FGF1: variants seen among roughly 807,000 people sequenced by gnomAD.
FGF1 encodes the protein fibroblast growth factor 1, also known as beta-endothelial cell growth factor.
In FGF1, 9 loss-of-function variants were observed where a neutral mutation model predicts 13.4. That is an observed-to-expected ratio of 0.67 (90% CI 0.40 to 1.17). The LOEUF is 1.17. FGF1 is among the 50% of genes most tolerant of loss of function. FGF1 has a pLI of 0.01. For synonymous variants in FGF1, 93 were observed against 79.0 expected (o/e 1.18, Z -0.94); for missense variants, 156 against 192.7 (o/e 0.81, Z 1.13).
chr5:142,646,114 T>C (rs552791746), intron 1 of FGF1, among the ~76,000 whole-genome samples: 23 of 151,716 alleles, frequency 1.5e-4, no homozygotes, highest in Non-Finnish European at 2.8e-4. Flanking sequence ...TTTCAGTGTG[T>C]TAGCCAGGAT....
chr5:142,613,331 A>C (rs1180304130), intron 2 of FGF1, among the ~76,000 whole-genome samples: 1 of 152,362 alleles, frequency 6.6e-6, no homozygotes, highest in South Asian at 2.1e-4. Flanking sequence ...GCTGCCAGGA[A>C]GTCCTGGAAG....
chr5:142,638,757 A>T (rs929565348), intron 1 of FGF1, among the ~76,000 whole-genome samples: 4 of 152,094 alleles, frequency 2.6e-5, no homozygotes, highest in African/African-American at 9.7e-5. Context: ...GCAATGGGAG[A>T]AAATATTTGC....
intron 1 of FGF1, among the ~76,000 whole-genome samples, chr5:142,618,969 C>T (rs1419565732): frequency 4.9e-5 from 6 of 123,596 alleles, no homozygotes; most frequent in Non-Finnish European, 6.4e-5. Flanking sequence ...GAGTCCCGCT[C>T]TTTAGCCCAG....
rs1754429733 is a variant in FGF1, at chr5:142,592,404, G to C, written c.*2886C>G. The C allele has an allele frequency of 2.5e-6, 1 of 398,500 alleles. No individual in the cohort carries two copies. Among genetic ancestry groups the C allele is most frequent in the Admixed American group, 4.4e-5 (1 of 22,716 alleles). 24.7% of individuals were successfully genotyped at this position (398,500 alleles called of 1,614,324 possible). A position where few individuals can be genotyped will look rare whatever the true frequency, so the allele number is the denominator to read the frequency against. On this transcript the variant is annotated 3_prime_UTR_variant, in exon 4 of 4. Transcript: ENST00000337706. ...TAGCTGATGCTCCAATCAGTTTTTT[G>C]TTCATACACACTGTTGGCCATTGTG...
intron 1 of FGF1, among the ~76,000 whole-genome samples, chr5:142,653,961 G>A (rs527619254): frequency 5.9e-5 from 9 of 152,152 alleles, no homozygotes; most frequent in South Asian, 2.1e-4. Flanking sequence ...GCGTGGTGGC[G>A]TGCACCTGTA....
In FGF1 at chr5:142,622,370, C is replaced by T. The variant is rs185777712; in HGVS notation, c.-34-8209G>A. ...TTCTCAGGAGCCTCTTGTGGAACAT[C>T]TTATCAGACTACCTAATTAGCAGGT... On this transcript the variant is annotated intron_variant, in intron 1 of 3. Transcript: ENST00000337706. Among the ~76,000 whole-genome samples, 180 of 152,262 alleles carry T rather than the reference C, an allele frequency of 1.2e-3. 2 individuals carry two copies. Among genetic ancestry groups the T allele is most frequent in the African/African-American group, 4.1e-3 (169 of 41,538 alleles).
At chr5:142,690,576 T>C (rs1752036969), upstream of FGF1, among the ~76,000 whole-genome samples, 1 of 152,206 alleles carries the variant, frequency 6.6e-6, no homozygotes, top group African/African-American at 2.4e-5. Flanking sequence ...CGTAATTGTT[T>C]GTTTTTCACT....
At chr5:142,611,862 G>A (rs946521841) in intron 2 of FGF1, among the ~76,000 whole-genome samples, 3 of 152,086 alleles carry the variant, frequency 2.0e-5, no homozygotes, top group Non-Finnish European at 4.4e-5. Flanking sequence ...CCTTCAATAC[G>A]ACCCTGTGTT....
Position 142,593,628 on chromosome 5 carries a change from A to T in FGF1, c.*1662T>A, listed in dbSNP as rs1754689589. ...TCCTACTTTCAAAAGAAAATTTGTAATAGCACAGTGGAAAACAAAAATCTC... is the reference window on the plus strand; with the variant it reads ...TCCTACTTTCAAAAGAAAATTTGTATTAGCACAGTGGAAAACAAAAATCTC... On this transcript the variant is annotated 3_prime_UTR_variant, in exon 4 of 4. Transcript: ENST00000337706. 6.6e-6 allele frequency: 1 copy of T among 152,344 alleles called. No homozygotes were observed. 9.4% of individuals were successfully genotyped at this position (152,344 alleles called of 1,614,324 possible).
chr5:142,685,097 G>A (rs1388582087), intron 1 of FGF1, among the ~76,000 whole-genome samples: 1 of 152,126 alleles, frequency 6.6e-6, no homozygotes, highest in Admixed American at 6.5e-5. Flanking sequence ...GTATCTGGAG[G>A]GCTGCATTTC....
At chr5:142,665,262 C>T (rs952309059) in intron 1 of FGF1, among the ~76,000 whole-genome samples, 1 of 152,086 alleles carries the variant, frequency 6.6e-6, no homozygotes, top group Non-Finnish European at 1.5e-5. Context: ...AGTGCTCTAT[C>T]TCACCTCACA....
At chr5:142,690,932 C>A (rs1224920051), upstream of FGF1, among the ~76,000 whole-genome samples, 1 of 152,172 alleles carries the variant, frequency 6.6e-6, no homozygotes, top group African/African-American at 2.4e-5. Flanking sequence ...TTCCCTCTGC[C>A]CAGAATTATG....
intron 2 of FGF1, among the ~76,000 whole-genome samples, chr5:142,692,683 ACG>A (rs1273107044): frequency 6.7e-6 from 1 of 148,962 alleles, no homozygotes; most frequent in African/African-American, 2.5e-5. Context: ...ACACGCACAC[ACG>A]CACACACACA....
chr5:142,638,431 A>C (rs1764639977), intron 1 of FGF1, among the ~76,000 whole-genome samples: 1 of 152,010 alleles, frequency 6.6e-6, no homozygotes, highest in African/African-American at 2.4e-5. Context: ...ATAGGGCAGA[A>C]CCCCTATCTT....
intron 1 of FGF1, among the ~76,000 whole-genome samples, chr5:142,631,435 G>A (rs1306107157): frequency 6.6e-6 from 1 of 152,168 alleles, no homozygotes; most frequent in South Asian, 2.1e-4. Flanking sequence ...ACATTGCAAA[G>A]AAATTTTGTC....
intron 2 of FGF1, among the ~76,000 whole-genome samples, chr5:142,607,351 G>A (rs2237074): frequency 0.15 from 23,569 of 152,096 alleles, 2,902 homozygotes; most frequent in African/African-American, 0.33. Flanking sequence ...TATCCCATAC[G>A]GGGATCTAGG....
At chr5:142,685,374 A>G (rs1339627917) in intron 1 of FGF1, 1 of 152,220 alleles carries the variant, frequency 6.6e-6, no homozygotes, top group Non-Finnish European at 1.5e-5. Context: ...CCTGACTTCT[A>G]TATCAAAAGG....
chr5:142,640,909 C>T (rs1377123048), intron 1 of FGF1, among the ~76,000 whole-genome samples: 1 of 151,990 alleles, frequency 6.6e-6, no homozygotes, highest in Non-Finnish European at 1.5e-5. Context: ...TGTGCACTCC[C>T]TTCCCCCACA....
At chr5:142,595,977 C>G (rs1192352128) in intron 3 of FGF1, among the ~76,000 whole-genome samples, 1 of 152,124 alleles carries the variant, frequency 6.6e-6, no homozygotes, top group Non-Finnish European at 1.5e-5. Flanking sequence ...GAAGGCTAGA[C>G]TTAAAGAATA....
Sources: allele counts gnomAD v4.1 joint callset (sites outside exome capture counted in the v4.1 genomes callset), GRCh38; gene constraint gnomAD v4.1.1; transcripts MANE v1.5; gene names NCBI Gene and HGNC (gene_info 2026-07-23, HGNC 2026-07-21).